The following DLC1 variants were observed in gnomAD, a reference collection of about 807,000 sequenced individuals.
DLC1 encodes DLC1 Rho GTPase activating protein, also known as rho GTPase-activating protein 7.
In DLC1, 54 loss-of-function variants were observed where a neutral mutation model predicts 140.3. The ratio of observed to expected loss-of-function variants is 0.38; its 90% CI spans 0.31 to 0.48. The LOEUF (loss-of-function observed/expected upper bound fraction) is 0.48. Ranked by LOEUF, DLC1 falls within the 20% of genes least tolerant of loss-of-function variation. The pLI is 0.96. For synonymous variants in DLC1, 986 were observed against 728.1 expected, an observed-to-expected ratio of 1.35 and a Z score of -5.70; for missense variants, 2,536 against 1,907.0, an observed-to-expected ratio of 1.33 and a Z score of -6.14.
chr8:13,115,623 C>T lies in DLC1; in HGVS notation c.1383G>A (p.Arg461=). The change falls in exon 6 of 18, where the codon CGG becomes CGA. Residue 461 remains arginine, a synonymous_variant. Transcript: ENST00000276297. ...IEAKEACDWL[R]ATGFPQYAQL... ...GTGCATACTGGGGGAAACCAGTTGCCCGTAGCCAATCACAAGCTTCCTTGG... is the reference window on the plus strand; with the variant it reads ...GTGCATACTGGGGGAAACCAGTTGCTCGTAGCCAATCACAAGCTTCCTTGG... The T allele has an allele frequency of 6.2e-7, 1 of 1,613,846 alleles. No individual in the cohort carries two copies. The highest frequency in any genetic ancestry group is 1.6e-4 in the Middle Eastern group (1 of 6,062).
rs763099015 is a variant in DLC1, at chr8:13,499,219, G to C, written c.853C>G (p.Pro285Ala). The C allele has an allele frequency of 1.2e-6, 2 of 1,614,110 alleles. No homozygotes were observed. The highest frequency in any genetic ancestry group is 8.5e-7 in the Non-Finnish European group (1 of 1,180,012). The change falls in exon 2 of 18, where the codon CCC becomes GCC. Residue 285 changes from proline to alanine, a missense_variant. Transcript: ENST00000276297. ...GSCLLQPPSCPNGMSAENGLE... is the reference protein window; with the variant it reads ...GSCLLQPPSCANGMSAENGLE... ...CCATTTTCAGCTGACATTCCATTGG[G>C]GCAGGAAGGAGGCTGCAGAAGGCAG...
At chr8:13,424,463 T>C (rs1447961324) in intron 2 of DLC1, among the ~76,000 whole-genome samples, 1 of 152,092 alleles carries the variant, frequency 6.6e-6, no homozygotes, top group African/African-American at 2.4e-5. Context: ...CACTCCAGCC[T>C]GGGCGACAGA....
intron 2 of DLC1, among the ~76,000 whole-genome samples, chr8:13,429,769 C>CAAACA (rs1176768092): frequency 6.6e-6 from 1 of 152,134 alleles, no homozygotes; most frequent in Non-Finnish European, 1.5e-5. Context: ...GAAAGACACA[C>CAAACA]AAACAAATTT....
intron 2 of DLC1, among the ~76,000 whole-genome samples, chr8:13,419,651 C>G (rs910966073): frequency 6.6e-6 from 1 of 152,174 alleles, no homozygotes; most frequent in African/African-American, 2.4e-5. Flanking sequence ...CAGTGTTCAC[C>G]AAGGACATTG....
Position 13,419,694 on chromosome 8 carries a change from C to T in DLC1, c.1024-18075G>A, listed in dbSNP as rs542514384. On this transcript the variant is annotated intron_variant, in intron 2 of 17. Transcript: ENST00000276297. ...ATTCTCTTTTTTGGTTGTGTCTCTG[C>T]CCAGCTTTGGTATTAGGATGATGCT... 2.0e-5 allele frequency among the ~76,000 whole-genome samples: 3 copies of T among 152,186 alleles called. No homozygotes were observed. The East Asian group carries it at 5.8e-4, about 30-fold the overall frequency.
intron 1 of DLC1, among the ~76,000 whole-genome samples, chr8:13,588,639 C>A (rs1805412701): frequency 6.6e-6 from 1 of 151,930 alleles, no homozygotes; most frequent in Non-Finnish European, 1.5e-5. Context: ...AATGAAAGTT[C>A]AAATAAAAAT....
chr8:13,183,494 A>G (rs554743553), intron 5 of DLC1, among the ~76,000 whole-genome samples: 2 of 152,306 alleles, frequency 1.3e-5, no homozygotes, highest in African/African-American at 4.8e-5. Context: ...TGTTCCATCA[A>G]TACCTAGTTT....
chr8:13,259,772 A>C (rs1326204140), intron 5 of DLC1, among the ~76,000 whole-genome samples: 1 of 151,610 alleles, frequency 6.6e-6, no homozygotes, highest in East Asian at 1.9e-4. Context: ...GCATACCAGC[A>C]CTATATACAA....
At chr8:13,157,234 C>A (rs137922070) in intron 5 of DLC1, among the ~76,000 whole-genome samples, 321 of 152,214 alleles carry the variant, frequency 2.1e-3, no homozygotes, top group African/African-American at 7.0e-3. Context: ...CTGAAATACT[C>A]TATGACATTA....
intron 5 of DLC1, among the ~76,000 whole-genome samples, chr8:13,174,941 G>T (rs1281271813): frequency 2.6e-5 from 4 of 152,208 alleles, no homozygotes; most frequent in South Asian, 2.1e-4. Context: ...CCAAGGCAAA[G>T]AATTGATACT....
chr8:13,444,396 T>C (rs1798684178), intron 2 of DLC1, among the ~76,000 whole-genome samples: 1 of 152,130 alleles, frequency 6.6e-6, no homozygotes, highest in African/African-American at 2.4e-5. Flanking sequence ...CATGTATACC[T>C]ATGTAACAAA....
chr8:13,408,615 T>C (rs2117285882), intron 2 of DLC1, among the ~76,000 whole-genome samples: 1 of 152,278 alleles, frequency 6.6e-6, no homozygotes, highest in East Asian at 1.9e-4. Context: ...TGGGATATAA[T>C]TTCTACCTAA....
chr8:13,275,892 C>T (rs1418719389), intron 5 of DLC1, among the ~76,000 whole-genome samples: 1 of 152,214 alleles, frequency 6.6e-6, no homozygotes, highest in African/African-American at 2.4e-5. Context: ...AAAGCTGACC[C>T]GAGACAGCCC....
chr8:13,255,160 G>C (rs964163601), intron 5 of DLC1, among the ~76,000 whole-genome samples: 1 of 151,918 alleles, frequency 6.6e-6, no homozygotes, highest in African/African-American at 2.4e-5. Context: ...AAGTAGAGAT[G>C]GGTTTCTGCC....
chr8:13,400,933 C>A (rs1420384428), intron 3 of DLC1, among the ~76,000 whole-genome samples: 1 of 152,166 alleles, frequency 6.6e-6, no homozygotes, highest in African/African-American at 2.4e-5. Context: ...TAATAAAATA[C>A]AATTCTCAGC....
intron 4 of DLC1, among the ~76,000 whole-genome samples, chr8:13,336,619 G>C (rs1180217698): frequency 1.3e-5 from 2 of 152,168 alleles, no homozygotes; most frequent in African/African-American, 4.8e-5. Context: ...GGAAAGATCA[G>C]AAGATGGGGT....
chr8:13,304,131 A>G (rs980670470), intron 5 of DLC1, among the ~76,000 whole-genome samples: 5 of 152,194 alleles, frequency 3.3e-5, no homozygotes, highest in African/African-American at 9.6e-5. Flanking sequence ...AAAACTTTAA[A>G]TCCATTCAAT....
intron 5 of DLC1, among the ~76,000 whole-genome samples, chr8:13,249,079 T>C (rs56218021): frequency 0.24 from 35,845 of 152,058 alleles, 4,399 homozygotes; most frequent in South Asian, 0.34. Context: ...CCTTCGTTTT[T>C]CTTTTTTTTC....
intron 2 of DLC1, among the ~76,000 whole-genome samples, chr8:13,457,496 G>A (rs1799450134): frequency 6.6e-6 from 1 of 151,838 alleles, no homozygotes; most frequent in Non-Finnish European, 1.5e-5. Context: ...GGCCAACATG[G>A]TGAAACCCTG....
Sources: allele counts gnomAD v4.1 joint callset (sites outside exome capture counted in the v4.1 genomes callset), GRCh38; gene constraint gnomAD v4.1.1; transcripts MANE v1.5; gene names NCBI Gene and HGNC (gene_info 2026-07-23, HGNC 2026-07-21).